Variants in NALF1 observed in about 807,000 individuals in gnomAD.
NALF1 encodes the protein NALCN channel auxiliary factor 1.
A neutral mutation model predicts 48.4 loss-of-function variants in NALF1; 3 were observed. The ratio of observed to expected loss-of-function variants is 0.06; its 90% CI spans 0.03 to 0.16. The LOEUF (loss-of-function observed/expected upper bound fraction) is 0.16, where lower values mean the gene tolerates loss of function less well. NALF1 is among the 10% of genes least tolerant of loss of function. The pLI is 1.00. For synonymous variants in NALF1, 262 were observed against 245.7 expected (o/e 1.07, Z -0.62); for missense variants, 526 against 571.5 (o/e 0.92, Z 0.81).
intron 1 of NALF1, among the ~76,000 whole-genome samples, chr13:107,842,563 G>A (rs1428364761): frequency 6.6e-6 from 1 of 150,894 alleles, no homozygotes; most frequent in African/African-American, 2.4e-5. Flanking sequence ...AAATTGTAGT[G>A]GACATAAGTC....
At chr13:107,820,891 C>CGG (rs1490465757) in intron 1 of NALF1, among the ~76,000 whole-genome samples, 3 of 152,078 alleles carry the variant, frequency 2.0e-5, no homozygotes, top group African/African-American at 7.2e-5. Flanking sequence ...GTATTTATTC[C>CGG]AGGTATTGGC....
At chr13:107,639,196 C>T (rs58895553) in intron 1 of NALF1, among the ~76,000 whole-genome samples, 27,303 of 152,124 alleles carry the variant, frequency 0.18, 2,632 homozygotes, top group Middle Eastern at 0.34. Context: ...TCCTCCATGG[C>T]AGCTCAACTG....
chr13:107,782,630 T>C (rs1379783941), intron 1 of NALF1, among the ~76,000 whole-genome samples: 5 of 136,008 alleles, frequency 3.7e-5, no homozygotes, highest in African/African-American at 5.7e-5. Flanking sequence ...CCGGCCGCCA[T>C]CCCATCTAGG....
intron 1 of NALF1, among the ~76,000 whole-genome samples, chr13:107,818,462 T>C (rs1053570749): frequency 6.6e-6 from 1 of 152,166 alleles, no homozygotes; most frequent in African/African-American, 2.4e-5. Flanking sequence ...TTGTGGAGGT[T>C]GAGTCCCAGT....
At chr13:107,402,592 T>C (rs1182553402) in intron 1 of NALF1, among the ~76,000 whole-genome samples, 2 of 152,210 alleles carry the variant, frequency 1.3e-5, no homozygotes, top group Non-Finnish European at 2.9e-5. Flanking sequence ...ATGTATGTTG[T>C]CACATGGTTT....
intron 1 of NALF1, among the ~76,000 whole-genome samples, chr13:107,749,515 A>T (rs1417364171): frequency 2.0e-5 from 3 of 152,070 alleles, no homozygotes; most frequent in African/African-American, 7.2e-5. Flanking sequence ...AAACCAACCT[A>T]TCCAAAATCT....
At chr13:107,243,379 G>C (rs1471537421) in intron 1 of NALF1, among the ~76,000 whole-genome samples, 4 of 152,154 alleles carry the variant, frequency 2.6e-5, no homozygotes, top group Non-Finnish European at 5.9e-5. Context: ...GGTGATTTCA[G>C]CGCATCCCCA....
chr13:107,474,743 G>C (rs1289733345), intron 1 of NALF1, among the ~76,000 whole-genome samples: 1 of 152,154 alleles, frequency 6.6e-6, no homozygotes, highest in African/African-American at 2.4e-5. Context: ...TATATGGGTA[G>C]AGACAGATCC....
chr13:107,488,737 C>A (rs1385814278), intron 1 of NALF1, among the ~76,000 whole-genome samples: 1 of 152,094 alleles, frequency 6.6e-6, no homozygotes, highest in Admixed American at 6.6e-5. Context: ...CCTCTCTCAA[C>A]ACTCTTATTC....
At chr13:107,777,588 T>C (rs1029627494) in intron 1 of NALF1, among the ~76,000 whole-genome samples, 1 of 152,182 alleles carries the variant, frequency 6.6e-6, no homozygotes, top group Non-Finnish European at 1.5e-5. Flanking sequence ...ATTCGTCATG[T>C]AAAGTGCCTG....
chr13:107,724,487 T>C (rs1876090484), intron 1 of NALF1, among the ~76,000 whole-genome samples: 1 of 152,214 alleles, frequency 6.6e-6, no homozygotes, highest in Non-Finnish European at 1.5e-5. Flanking sequence ...TTTGTCTGCT[T>C]CAAGATTTTG....
chr13:107,697,049 G>C (rs1401408853), intron 1 of NALF1, among the ~76,000 whole-genome samples: 1 of 151,602 alleles, frequency 6.6e-6, no homozygotes, highest in Non-Finnish European at 1.5e-5. Context: ...TCAATTACAA[G>C]GCATAAAAAA....
At chr13:107,779,502 T>C (rs1410639393) in intron 1 of NALF1, among the ~76,000 whole-genome samples, 1 of 152,216 alleles carries the variant, frequency 6.6e-6, no homozygotes, top group Non-Finnish European at 1.5e-5. Context: ...TGCCTTACAA[T>C]GCTTACAGTG....
intron 1 of NALF1, among the ~76,000 whole-genome samples, chr13:107,745,121 T>C (rs1461962372): frequency 6.6e-6 from 1 of 152,208 alleles, no homozygotes; most frequent in African/African-American, 2.4e-5. Context: ...CACTAATACC[T>C]AGAGGGTACA....
chr13:107,251,969 C>T (rs1880709214), intron 1 of NALF1, among the ~76,000 whole-genome samples: 1 of 152,080 alleles, frequency 6.6e-6, no homozygotes, highest in African/African-American at 2.4e-5. Flanking sequence ...CAGAGTGTCC[C>T]CTGACCCCAA....
chr13:107,735,235 A>G (rs1404892873), intron 1 of NALF1, among the ~76,000 whole-genome samples: 2 of 152,162 alleles, frequency 1.3e-5, no homozygotes, highest in East Asian at 3.8e-4. Context: ...GTTAAGTTGT[A>G]CTCCACATAT....
rs545581521 is a variant in NALF1, at chr13:107,711,149, T to C, written c.915+154533A>G. Reference sequence around the variant, plus strand: ...ATCTATTTCAGAATTACTCTTTATGTACCTCATCTCCTCACTACCTTGTTG... The same window carrying C: ...ATCTATTTCAGAATTACTCTTTATGCACCTCATCTCCTCACTACCTTGTTG... On this transcript the variant is annotated intron_variant, in intron 1 of 2. Transcript: ENST00000375915. Among the ~76,000 whole-genome samples, 13 of 152,310 alleles carry C rather than the reference T, an allele frequency of 8.5e-5. No individual in the cohort carries two copies. The South Asian group carries it at 2.7e-3, about 32-fold the overall frequency.
intron 2 of NALF1, among the ~76,000 whole-genome samples, chr13:107,182,252 C>CG (rs1879079849): frequency 2.9e-5 from 1 of 33,980 alleles, no homozygotes; most frequent in African/African-American, 1.4e-4. Flanking sequence ...GTGTGTGTGT[C>CG]CGTGTGTGTG....
At chr13:107,456,142 A>G (rs562302928) in intron 1 of NALF1, among the ~76,000 whole-genome samples, 52 of 152,244 alleles carry the variant, frequency 3.4e-4, no homozygotes, top group Admixed American at 2.0e-3. Context: ...TTTTTTCAAT[A>G]GAAAGTTCAT....
Sources: allele counts gnomAD v4.1 joint callset (sites outside exome capture counted in the v4.1 genomes callset), GRCh38; gene constraint gnomAD v4.1.1; transcripts MANE v1.5; gene names NCBI Gene and HGNC (gene_info 2026-07-23, HGNC 2026-07-21).